CNTN4: variants seen among roughly 807,000 people sequenced by gnomAD.
CNTN4 encodes the protein contactin-4.
Under a neutral mutation model 122.5 loss-of-function variants are expected in CNTN4, and 77 were observed. The ratio of observed to expected loss-of-function variants is 0.63; its 90% CI spans 0.52 to 0.76. CNTN4 has a LOEUF of 0.76. CNTN4 is among the 30% of genes least tolerant of loss of function. CNTN4 has a pLI of 0.00. For synonymous variants in CNTN4, 512 were observed against 447.0 expected (o/e 1.15, Z -1.83); for missense variants, 1,256 against 1,259.1 (o/e 1.00, Z 0.04).
intron 4 of CNTN4, among the ~76,000 whole-genome samples, chr3:2,701,931 G>A (rs1400218540): frequency 6.6e-6 from 1 of 152,154 alleles, no homozygotes; most frequent in Non-Finnish European, 1.5e-5. Context: ...AGTGAAAAAG[G>A]AATTGATTGA....
intron 3 of CNTN4, among the ~76,000 whole-genome samples, chr3:2,464,178 G>A (rs73806610): frequency 0.017 from 2,575 of 152,212 alleles, 91 homozygotes; most frequent in African/African-American, 0.059. Flanking sequence ...AGAATACCTA[G>A]GGTCCTAGCA....
Position 2,125,399 on chromosome 3 carries a change from A to G in CNTN4, c.-145+24760A>G, listed in dbSNP as rs911792840. 4.7e-5 allele frequency among the ~76,000 whole-genome samples: 7 copies of G among 149,530 alleles called. No individual in the cohort carries two copies. The East Asian group carries it at 9.9e-4, about 21-fold the overall frequency. ...CCACGTTTTCTTTATTCATTTATTG[A>G]TAGATATTTAGGTTGTTTCCATATC... On this transcript the variant is annotated intron_variant, in intron 2 of 24. Transcript: ENST00000418658.
At chr3:2,583,980 T>C (rs190847515) in intron 4 of CNTN4, among the ~76,000 whole-genome samples, 43 of 152,276 alleles carry the variant, frequency 2.8e-4, no homozygotes, top group African/African-American at 9.6e-4. Context: ...GTGGATAAGA[T>C]CATGGTCCTG....
chr3:2,839,121 T>C (rs918491916), intron 7 of CNTN4, among the ~76,000 whole-genome samples: 3 of 152,206 alleles, frequency 2.0e-5, no homozygotes, highest in Non-Finnish European at 4.4e-5. Context: ...TTAAGAGATA[T>C]AGTCCTAATT....
intron 6 of CNTN4, among the ~76,000 whole-genome samples, chr3:2,814,267 A>G (rs907988704): frequency 4.6e-5 from 7 of 152,244 alleles, no homozygotes; most frequent in Non-Finnish European, 1.0e-4. Context: ...AAGACAGGCT[A>G]TTTTGAGAAA....
intron 3 of CNTN4, among the ~76,000 whole-genome samples, chr3:2,426,178 C>T (rs1180634618): frequency 6.6e-6 from 1 of 152,120 alleles, no homozygotes. Flanking sequence ...AGTTTTTGCC[C>T]ATTCAGTATG....
intron 4 of CNTN4, among the ~76,000 whole-genome samples, chr3:2,667,345 T>C (rs2084230554): frequency 6.6e-6 from 1 of 152,224 alleles, no homozygotes; most frequent in Non-Finnish European, 1.5e-5. Flanking sequence ...TGGCCAGTGA[T>C]AATGAGCATT....
At chr3:2,844,904 G>T (rs1389325604) in intron 7 of CNTN4, among the ~76,000 whole-genome samples, 1 of 152,158 alleles carries the variant, frequency 6.6e-6, no homozygotes, top group African/African-American at 2.4e-5. Context: ...CAAGCTGAAG[G>T]TTCATGGCTG....
rs1559443600 is a variant in CNTN4 at position 2,733,542 on chromosome 3, T to TG, written c.56-2673_56-2672insG. On this transcript the variant is annotated intron_variant, in intron 4 of 24. Coordinates refer to ENST00000418658, the MANE Select transcript of CNTN4 (RefSeq NM_175607.3). The stretch of plus-strand genomic sequence containing the variant: ...AAAGTGCATGTTTGTGTTTTTTTTT[T>TG]TTTTTTTTTGAGACAGAGTCTCACA... Among the ~76,000 whole-genome samples the TG allele has an allele frequency of 1.0e-4, 11 of 108,116 alleles. No individual in the cohort carries two copies. In the East Asian group the frequency reaches 1.7e-3, roughly 17 times the overall value. 70.9% of individuals were successfully genotyped at this position (108,116 alleles called of 152,430 possible).
chr3:2,544,611 T>C (rs2149318981), intron 3 of CNTN4, among the ~76,000 whole-genome samples: 1 of 152,206 alleles, frequency 6.6e-6, no homozygotes, highest in African/African-American at 2.4e-5. Flanking sequence ...AGATTGTGTG[T>C]CCGGGGTTTT....
chr3:2,988,950 T>C (rs951196475), intron 14 of CNTN4: 11 of 189,712 alleles, frequency 5.8e-5, no homozygotes, highest in African/African-American at 2.6e-4. Context: ...AAGGCTTTGA[T>C]CACCTCTATG....
intron 13 of CNTN4, among the ~76,000 whole-genome samples, chr3:2,984,488 A>C (rs1694368251): frequency 6.6e-6 from 1 of 152,196 alleles, no homozygotes; most frequent in Non-Finnish European, 1.5e-5. Context: ...CCCCCAGGAC[A>C]AAGAATTGTT....
At chr3:2,192,519 A>AT (rs1382546413) in intron 2 of CNTN4, among the ~76,000 whole-genome samples, 4 of 152,152 alleles carry the variant, frequency 2.6e-5, no homozygotes, top group African/African-American at 7.2e-5. Context: ...ATGGGAGAAA[A>AT]TTTTTGCAAT....
chr3:2,866,124 A>C (rs576921576), intron 7 of CNTN4, among the ~76,000 whole-genome samples: 10 of 152,184 alleles, frequency 6.6e-5, no homozygotes, highest in Non-Finnish European at 1.5e-4. Context: ...AGAAGAAAAA[A>C]TTTGAGTTGA....
intron 3 of CNTN4, among the ~76,000 whole-genome samples, chr3:2,480,184 A>T (rs928669306): frequency 3.3e-5 from 5 of 152,164 alleles, no homozygotes; most frequent in Admixed American, 3.3e-4. Flanking sequence ...TGAGAATCTC[A>T]AAGTTTTCCT....
chr3:2,878,553 C>CTGTGTGTGTGTGTGTGTGTG lies in CNTN4; in HGVS notation c.653-4574_653-4555dup, dbSNP rs60925207. On this transcript the variant is annotated intron_variant, in intron 8 of 24. Coordinates refer to ENST00000418658, the MANE Select transcript of CNTN4 (RefSeq NM_175607.3). ...AAGAGAACAACAGAAGAGATGCTCT[C>CTGTGTGTGTGTGTGTGTGTG]TGTGTGTGTGTGTGTGTGTGTGTGT... Among the ~76,000 whole-genome samples the CTGTGTGTGTGTGTGTGTGTG allele has an allele frequency of 2.0e-3, 290 of 146,942 alleles. 1 individual carries two copies. The highest frequency in any genetic ancestry group is 2.4e-3 in the Non-Finnish European group (163 of 66,644).
intron 3 of CNTN4, among the ~76,000 whole-genome samples, chr3:2,371,850 T>C (rs2045644780): frequency 6.6e-6 from 1 of 152,238 alleles, no homozygotes; most frequent in Non-Finnish European, 1.5e-5. Flanking sequence ...TAATTTCCTC[T>C]GGCAGGCAGT....
chr3:2,834,324 G>A (rs1419321661), intron 7 of CNTN4, among the ~76,000 whole-genome samples: 2 of 152,086 alleles, frequency 1.3e-5, no homozygotes, highest in African/African-American at 2.4e-5. Context: ...CAGCACTTTG[G>A]GAGGCCGAGG....
chr3:2,670,703 A>T (rs2084456719), intron 4 of CNTN4, among the ~76,000 whole-genome samples: 1 of 152,036 alleles, frequency 6.6e-6, no homozygotes, highest in Non-Finnish European at 1.5e-5. Context: ...GGTCTTTACA[A>T]TTTGGCATGT....
Sources: gnomAD v4.1 joint callset for allele counts (sites outside exome capture counted in the v4.1 genomes callset) on GRCh38, gnomAD v4.1.1 for gene constraint, MANE v1.5 for transcripts, NCBI Gene and HGNC (gene_info 2026-07-23, HGNC 2026-07-21) for gene names.